DUOXA1: variants seen among roughly 807,000 people sequenced by gnomAD.
The protein encoded by DUOXA1 is dual oxidase maturation factor 1.
DUOXA1 carries 19 observed loss-of-function variants against 26.6 expected under a neutral mutation model. That is an observed-to-expected ratio of 0.71 (90% CI 0.50 to 1.05). DUOXA1 has a LOEUF of 1.05. Ranked by LOEUF, DUOXA1 falls within the 50% of genes least tolerant of loss-of-function variation. DUOXA1 has a pLI of 0.00. For missense variants in DUOXA1, 403 were observed against 427.5 expected, an observed-to-expected ratio of 0.94 and a Z score of 0.51; for synonymous variants, 166 against 177.0, an observed-to-expected ratio of 0.94 and a Z score of 0.49.
chr15:45,121,715 C>G (rs982252186), intron 5 of DUOXA1, among the ~76,000 whole-genome samples: 2 of 152,180 alleles, frequency 1.3e-5, no homozygotes. Context: ...GGGGTTTCCC[C>G]CATGTTGGTC....
At chr15:45,122,110 GA>G in intron 5 of DUOXA1, 74 bp downstream of exon 5, 1 of 1,496,920 alleles carries the variant, frequency 6.7e-7, no homozygotes, top group Non-Finnish European at 9.1e-7. Context: ...GGGAAACAAG[GA>G]GAGGAGATGC....
chr15:45,122,717 A>T (rs751672798), intron 4 of DUOXA1, 151 bp downstream of exon 4: 1 of 969,168 alleles, frequency 1.0e-6, no homozygotes, highest in Non-Finnish European at 1.5e-6. Context: ...TGCTGAATCA[A>T]TGAATGGGGA....
Position 45,119,000 on chromosome 15 carries a change from G to A in DUOXA1, c.*106C>T. On this transcript the variant is annotated 3_prime_UTR_variant, in exon 9 of 9. Transcript: ENST00000560572. ...CTACTCCGTCTGTAGATTGGTGCTG[G>A]GTGTCTGGTAACAGCCACCCTGAGG... The A allele has an allele frequency of 6.8e-7, 1 of 1,479,040 alleles. No homozygotes were observed. The highest frequency in any genetic ancestry group is 9.0e-7 in the Non-Finnish European group (1 of 1,115,768). The allele number at this position is 1,479,040 out of a possible 1,614,324, so 91.6% of individuals were successfully genotyped here.
Position 45,121,186 on chromosome 15 carries a change from C to G in DUOXA1, c.241G>C (p.Val81Leu). Residue 81 changes from valine (V) to leucine (L), a missense_variant, in exon 6 of 9, where the codon GTC becomes CTC. Val to Leu is a conservative substitution (Grantham distance 32). Coordinates refer to ENST00000560572, the MANE Select transcript of DUOXA1 (RefSeq NM_001276266.2). ...GCCTTGTATGATGTGTTGGTGCTGA[C>G]CTGGCCCACAGACCACTCAGAACTG... ...NFSSEWSVGQVSTNTSYKAFS... is the reference protein window; with the variant it reads ...NFSSEWSVGQLSTNTSYKAFS... The G allele has an allele frequency of 6.2e-7, 1 of 1,614,158 alleles. No individual in the cohort carries two copies. The highest frequency in any genetic ancestry group is 8.5e-7 in the Non-Finnish European group (1 of 1,180,024).
rs138626561 is a variant in DUOXA1 at position 45,125,111 on chromosome 15, T to C, written c.-29-2068A>G. Among the ~76,000 whole-genome samples the C allele has an allele frequency of 2.3e-4, 35 of 152,334 alleles. No individual in the cohort carries two copies. The East Asian group carries it at 6.4e-3, about 28-fold the overall frequency. The stretch of plus-strand genomic sequence containing the variant: ...CAGAAAGACAGACAGTTTTAACTTC[T>C]AATCCTGTATTTTGGGCAAGTCACT... On this transcript the variant is annotated intron_variant, in intron 3 of 8. Coordinates refer to ENST00000560572, the MANE Select transcript of DUOXA1 (RefSeq NM_001276266.2).
At chr15:45,125,928 G>A (rs1276566744) in intron 3 of DUOXA1, among the ~76,000 whole-genome samples, 2 of 152,082 alleles carry the variant, frequency 1.3e-5, no homozygotes, top group African/African-American at 4.8e-5. Context: ...ACCACCCTGT[G>A]GACATTTTCA....
chr15:45,120,474 G>T (rs1199129631), intron 7 of DUOXA1, 118 bp downstream of exon 7: 3 of 1,424,220 alleles, frequency 2.1e-6, no homozygotes, highest in Non-Finnish European at 3.0e-6. Flanking sequence ...GCACCATGGG[G>T]ACTGGTGCCA....
chr15:45,127,366 C>T (rs1364330502), intron 3 of DUOXA1, among the ~76,000 whole-genome samples: 2 of 152,018 alleles, frequency 1.3e-5, no homozygotes, highest in African/African-American at 4.8e-5. Context: ...TTAACATGTG[C>T]TTAAAAGAAA....
At chr15:45,124,101 G>A (rs1895476103) in intron 3 of DUOXA1, among the ~76,000 whole-genome samples, 1 of 152,024 alleles carries the variant, frequency 6.6e-6, no homozygotes, top group Non-Finnish European at 1.5e-5. Context: ...TTCATGCAGT[G>A]TGATCTGTAC....
At position 45,117,575 on chromosome 15, in the gene DUOXA1, G is replaced by A; in HGVS notation, c.*1531C>T. The A allele has an allele frequency of 6.2e-7, 1 of 1,603,990 alleles. No individual in the cohort carries two copies. The highest frequency in any genetic ancestry group is 1.1e-5 in the South Asian group (1 of 89,778). On this transcript the variant is annotated 3_prime_UTR_variant, in exon 9 of 9. Coordinates refer to ENST00000560572, the MANE Select transcript of DUOXA1 (RefSeq NM_001276266.2). Reference sequence around the variant, plus strand: ...GGGTAGGCTCCAAAAGATGGAAGAAGGCCCGGGCATCACGCCTGTAATCCC... The same window carrying A: ...GGGTAGGCTCCAAAAGATGGAAGAAAGCCCGGGCATCACGCCTGTAATCCC...
chr15:45,128,140 C>T (rs1219504420), intron 3 of DUOXA1, among the ~76,000 whole-genome samples: 1 of 152,176 alleles, frequency 6.6e-6, no homozygotes, highest in Non-Finnish European at 1.5e-5. Flanking sequence ...CACAATTACC[C>T]AATCCTTACC....
At position 45,119,116 on chromosome 15, in the gene DUOXA1, C is replaced by T. The variant is rs778017134; in HGVS notation, c.1022G>A (p.Cys341Tyr). 3 of 1,586,970 alleles carry T rather than the reference C, an allele frequency of 1.9e-6. No individual in the cohort carries two copies. The highest frequency in any genetic ancestry group is 2.2e-5 in the South Asian group (2 of 89,476). The change falls in exon 9 of 9, where the codon TGT (cysteine) becomes TAT (tyrosine). Residue 341 changes from cysteine to tyrosine, a missense_variant. Transcript: ENST00000560572. ...CCACGGGGAGGAATGTTATAAAGCA[C>T]AATCAGGATCTTTGGGGTGTGCCTC... The part of the protein sequence containing the change: ...CKEAHPKDPD[C>Y]AL
chr15:45,119,677 A>G (rs1267481024), intron 8 of DUOXA1, among the ~76,000 whole-genome samples: 1 of 152,080 alleles, frequency 6.6e-6, no homozygotes, highest in Non-Finnish European at 1.5e-5. Flanking sequence ...GGCACAGAGG[A>G]GGCATGAGGA....
In DUOXA1 at chr15:45,122,559, A is replaced by T. The variant is rs1595553637; in HGVS notation, c.147+309T>A. ...CAGATGCACACCATGATGCCCAGCTATTTTTTTTTTTTAAGAGATGAGGTC... is the reference window on the plus strand; with the variant it reads ...CAGATGCACACCATGATGCCCAGCTTTTTTTTTTTTTTAAGAGATGAGGTC... On this transcript the variant is annotated intron_variant, in intron 4 of 8. Coordinates refer to ENST00000560572, the MANE Select transcript of DUOXA1 (RefSeq NM_001276266.2). 2.7e-5 allele frequency among the ~76,000 whole-genome samples: 4 copies of T among 146,576 alleles called. 1 individual carries two copies. The highest frequency in any genetic ancestry group is 6.8e-5 in the Admixed American group (1 of 14,768).
Position 45,118,355 on chromosome 15 carries a change from C to A in DUOXA1, c.*751G>T. 2.6e-6 allele frequency: 3 copies of A among 1,160,342 alleles called. No homozygotes were observed. Among genetic ancestry groups the A allele is most frequent in the East Asian group, 8.9e-5 (2 of 22,450 alleles). 71.9% of individuals were successfully genotyped at this position (1,160,342 alleles called of 1,614,324 possible). ...TGAGGCAGGTCACCCACTCCCCCGTCCTGGATGCCACTCAGCTAGCCCAGC... is the reference window on the plus strand; with the variant it reads ...TGAGGCAGGTCACCCACTCCCCCGTACTGGATGCCACTCAGCTAGCCCAGC... On this transcript the variant is annotated 3_prime_UTR_variant, in exon 9 of 9. Coordinates refer to ENST00000560572, the MANE Select transcript of DUOXA1 (RefSeq NM_001276266.2).
chr15:45,129,822 C>T lies in DUOXA1; in HGVS notation c.-303+30G>A, dbSNP rs1798213000. 1 of 152,278 alleles carries T rather than the reference C, an allele frequency of 6.6e-6. No homozygotes were observed. Among genetic ancestry groups the T allele is most frequent in the Non-Finnish European group, 1.5e-5 (1 of 68,096 alleles). The allele number at this position is 152,278 out of a possible 1,614,324, so 9.4% of individuals were successfully genotyped here. A position where few individuals can be genotyped will look rare whatever the true frequency, so the allele number is the denominator to read the frequency against. ...CTTCGGCACCGACGGAACATCTCTACCTGCGCCCCGGGAGCCCTCGCCGTC... is the reference window on the plus strand; with the variant it reads ...CTTCGGCACCGACGGAACATCTCTATCTGCGCCCCGGGAGCCCTCGCCGTC... On this transcript the variant is annotated intron_variant, in intron 1 of 8. Transcript: ENST00000560572. This position sits in a 1 kb window ranked among gnomAD's most constrained non-coding sequence, Gnocchi z 4.1.
chr15:45,120,334 AC>A lies in DUOXA1; in HGVS notation c.555-15del. 1 of 1,613,676 alleles carries A rather than the reference AC, an allele frequency of 6.2e-7. No individual in the cohort carries two copies. On this transcript the variant is annotated splice_polypyrimidine_tract_variant and intron_variant, in intron 7 of 8. Transcript: ENST00000560572. ...AGGAATGCCACCCTGGAGAGCCAGGACCCAGTGAGGACTGGCCCAGGTACTT... is the reference window on the plus strand; with the variant it reads ...AGGAATGCCACCCTGGAGAGCCAGGACCAGTGAGGACTGGCCCAGGTACTT...
At chr15:45,119,421 T>A in intron 8 of DUOXA1, 56 bp from the exon 9 acceptor site, 1 of 1,526,368 alleles carries the variant, frequency 6.6e-7, no homozygotes, top group Non-Finnish European at 8.9e-7. Context: ...CTGCCGAGGA[T>A]ATCTTCCCCT....
At chr15:45,120,058 C>T in intron 8 of DUOXA1, 45 bp downstream of exon 8, 2 of 1,608,666 alleles carry the variant, frequency 1.2e-6, no homozygotes, top group East Asian at 2.2e-5. Flanking sequence ...CCCTCCCTCC[C>T]TGGCCTTGAG....
Sources: gnomAD v4.1 joint callset for allele counts (sites outside exome capture counted in the v4.1 genomes callset) on GRCh38, gnomAD v4.1.1 for gene constraint, Gnocchi (gnomAD v3.1) non-coding constraint, MANE v1.5 for transcripts, NCBI Gene and HGNC (gene_info 2026-07-23, HGNC 2026-07-21) for gene names.